CLASP1: variants seen among roughly 807,000 people sequenced by gnomAD.
CLASP1 encodes CLIP-associating protein 1.
CLASP1 carries 38 observed loss-of-function variants against 192.3 expected under a neutral mutation model. The ratio of observed to expected loss-of-function variants is 0.20; its 90% CI spans 0.15 to 0.26. The LOEUF is 0.26. Among genes scored for constraint, CLASP1 ranks in the 10% least tolerant of loss-of-function variants. The pLI is 1.00. For missense variants in CLASP1, 1,433 were observed against 1,932.5 expected (o/e 0.74, Z 4.85); for synonymous variants, 691 against 712.8 (o/e 0.97, Z 0.49).
chr2:121,479,753 C>T (rs916178025), intron 8 of CLASP1, among the ~76,000 whole-genome samples: 6 of 152,072 alleles, frequency 3.9e-5, no homozygotes, highest in African/African-American at 1.2e-4. Flanking sequence ...TTATTAGGGC[C>T]GGTTCTACCA....
At chr2:121,626,344 C>T (rs921468539) in intron 1 of CLASP1, among the ~76,000 whole-genome samples, 2 of 152,108 alleles carry the variant, frequency 1.3e-5, no homozygotes, top group Admixed American at 6.6e-5. Flanking sequence ...AATTAATACA[C>T]CAATAGTTTT....
At chr2:121,410,485 T>C (rs938424453) in intron 24 of CLASP1, among the ~76,000 whole-genome samples, 5 of 151,282 alleles carry the variant, frequency 3.3e-5, no homozygotes, top group African/African-American at 1.2e-4. Flanking sequence ...GGTTATGCCA[T>C]CAAAGTCTGT....
intron 1 of CLASP1, among the ~76,000 whole-genome samples, chr2:121,627,703 G>T (rs369129391): frequency 6.6e-6 from 1 of 152,188 alleles, no homozygotes; most frequent in Non-Finnish European, 1.5e-5. Flanking sequence ...CGAGGAAAAC[G>T]TGCAGAGTCA....
chr2:121,531,013 AACCTGTTT>A, intron 2 of CLASP1: 1 of 700,232 alleles, frequency 1.4e-6, no homozygotes, highest in Non-Finnish European at 2.6e-6. Flanking sequence ...GAAAAATGAA[AACCTGTTT>A]TCATAGACTT....
intron 2 of CLASP1, among the ~76,000 whole-genome samples, chr2:121,572,611 G>C (rs1395358988): frequency 6.6e-6 from 1 of 152,034 alleles, no homozygotes; most frequent in African/African-American, 2.4e-5. Context: ...TTAAAAGTTA[G>C]GACCGAGGGC....
intron 2 of CLASP1, among the ~76,000 whole-genome samples, chr2:121,567,506 G>A (rs942165739): frequency 4.6e-5 from 7 of 152,162 alleles, no homozygotes; most frequent in African/African-American, 1.2e-4. Context: ...AGAAGCTTTC[G>A]CTAGTTACCT....
chr2:121,486,919 T>C (rs750022232), intron 8 of CLASP1, among the ~76,000 whole-genome samples: 3 of 152,184 alleles, frequency 2.0e-5, no homozygotes, highest in African/African-American at 4.8e-5. Flanking sequence ...AATCCTCTAA[T>C]AGCAATCTCA....
chr2:121,419,002 G>T (rs1202048071), intron 22 of CLASP1, among the ~76,000 whole-genome samples: 1 of 152,110 alleles, frequency 6.6e-6, no homozygotes, highest in Non-Finnish European at 1.5e-5. Context: ...GAAGTGAAAA[G>T]AAATCTTTCT....
At chr2:121,525,778 A>C in intron 6 of CLASP1, 67 bp downstream of exon 6, 2 of 1,102,838 alleles carry the variant, frequency 1.8e-6, no homozygotes, top group Non-Finnish European at 2.8e-6. Flanking sequence ...CCCACTACGG[A>C]ACACCAGAAT....
At chr2:121,583,743 T>C (rs2061445326) in intron 2 of CLASP1, among the ~76,000 whole-genome samples, 1 of 152,116 alleles carries the variant, frequency 6.6e-6, no homozygotes, top group Non-Finnish European at 1.5e-5. Flanking sequence ...GGTGTGGATG[T>C]TTGTGTCCCC....
intron 36 of CLASP1, among the ~76,000 whole-genome samples, chr2:121,363,741 C>A (rs1012524969): frequency 6.8e-6 from 1 of 146,352 alleles, no homozygotes. Flanking sequence ...TAAGAGTGAA[C>A]TCCACCTAAG....
chr2:121,562,715 C>A (rs974624207), intron 2 of CLASP1, among the ~76,000 whole-genome samples: 2 of 152,096 alleles, frequency 1.3e-5, no homozygotes, highest in Non-Finnish European at 2.9e-5. Flanking sequence ...TTAAGCTTGG[C>A]TTTTGTCCTC....
At chr2:121,443,027 A>G (rs1255607247) in intron 19 of CLASP1, among the ~76,000 whole-genome samples, 1 of 152,152 alleles carries the variant, frequency 6.6e-6, no homozygotes, top group African/African-American at 2.4e-5. Flanking sequence ...CAACAGAACA[A>G]TGGCAACCCA....
At chr2:121,454,344 C>CA (rs896662083) in intron 14 of CLASP1, among the ~76,000 whole-genome samples, 1 of 152,172 alleles carries the variant, frequency 6.6e-6, no homozygotes, top group African/African-American at 2.4e-5. Context: ...CTCTCCCTCT[C>CA]TCCCATGTGA....
At chr2:121,369,420 T>C (rs921247522) in intron 34 of CLASP1, among the ~76,000 whole-genome samples, 2 of 152,182 alleles carry the variant, frequency 1.3e-5, no homozygotes, top group African/African-American at 4.8e-5. Flanking sequence ...AATTGTTTCT[T>C]TTTATAAGTC....
At chr2:121,481,416 T>C (rs1286967503) in intron 8 of CLASP1, among the ~76,000 whole-genome samples, 1 of 152,240 alleles carries the variant, frequency 6.6e-6, no homozygotes, top group Non-Finnish European at 1.5e-5. Flanking sequence ...TCTCTAGAAC[T>C]GATTCCAAAG....
At chr2:121,413,406 T>C (rs893344337) in intron 23 of CLASP1, among the ~76,000 whole-genome samples, 6 of 152,180 alleles carry the variant, frequency 3.9e-5, no homozygotes, top group African/African-American at 1.2e-4. Flanking sequence ...CTTACTCAAT[T>C]GAGAAAATTG....
At chr2:121,482,784 C>T (rs2092691216) in intron 8 of CLASP1, among the ~76,000 whole-genome samples, 1 of 152,192 alleles carries the variant, frequency 6.6e-6, no homozygotes, top group Admixed American at 6.5e-5. Flanking sequence ...AAACGTCCAC[C>T]ATTCCTCAAC....
chr2:121,626,505 G>C (rs1321273676), intron 1 of CLASP1, among the ~76,000 whole-genome samples: 1 of 152,130 alleles, frequency 6.6e-6, no homozygotes, highest in Non-Finnish European at 1.5e-5. Flanking sequence ...CTATTTTACA[G>C]ACAAGAAGAG....
Sources: allele counts gnomAD v4.1 joint callset (sites outside exome capture counted in the v4.1 genomes callset), GRCh38; gene constraint gnomAD v4.1.1; transcripts MANE v1.5; gene names NCBI Gene and HGNC (gene_info 2026-07-23, HGNC 2026-07-21).